IDE: variants seen among roughly 807,000 people sequenced by gnomAD.
The protein encoded by IDE is insulin-degrading enzyme.
IDE carries 58 observed loss-of-function variants against 133.2 expected under a neutral mutation model. The observed-to-expected ratio is 0.44, with a 90% CI of 0.35 to 0.54. The LOEUF (loss-of-function observed/expected upper bound fraction) is 0.54, where lower values mean the gene tolerates loss of function less well. Among genes scored for constraint, IDE ranks in the 20% least tolerant of loss-of-function variants. The pLI, the probability that IDE is intolerant of heterozygous loss-of-function variation, is 0.00. For missense variants in IDE, 981 were observed against 1,234.0 expected (o/e 0.79, Z 3.07); for synonymous variants, 396 against 421.3 (o/e 0.94, Z 0.73).
intron 16 of IDE, 85 bp from the exon 17 acceptor site, chr10:92,475,046 T>C: frequency 1.9e-6 from 2 of 1,032,536 alleles, no homozygotes; most frequent in Non-Finnish European, 2.8e-6. Flanking sequence ...ATTTCAATTC[T>C]CTATAAACTG....
chr10:92,532,649 C>T (rs1589491489), intron 3 of IDE, among the ~76,000 whole-genome samples: 2 of 151,522 alleles, frequency 1.3e-5, no homozygotes, highest in South Asian at 4.1e-4. Context: ...AATAATAATA[C>T]CTAACTTTAA....
At chr10:92,503,270 A>C (rs1375892325) in intron 11 of IDE, among the ~76,000 whole-genome samples, 1 of 152,166 alleles carries the variant, frequency 6.6e-6, no homozygotes, top group East Asian at 1.9e-4. Flanking sequence ...CTCTATAAAA[A>C]ATTGTTCTTG....
chr10:92,455,264 T>C (rs1844931597), intron 24 of IDE, among the ~76,000 whole-genome samples: 1 of 150,836 alleles, frequency 6.6e-6, no homozygotes, highest in East Asian at 1.9e-4. Context: ...TCACTTGAGG[T>C]CAGTAGTTTG....
chr10:92,510,877 T>C (rs1848586659), intron 5 of IDE, among the ~76,000 whole-genome samples: 1 of 150,882 alleles, frequency 6.6e-6, no homozygotes, highest in South Asian at 2.1e-4. Flanking sequence ...ATCACATACA[T>C]GATATATCAC....
intron 13 of IDE, among the ~76,000 whole-genome samples, chr10:92,484,660 G>A (rs914397068): frequency 6.6e-6 from 1 of 152,000 alleles, no homozygotes; most frequent in Non-Finnish European, 1.5e-5. Flanking sequence ...TTGAACCTGG[G>A]AGGCAGAGGT....
intron 1 of IDE, among the ~76,000 whole-genome samples, chr10:92,551,089 A>G (rs1480539552): frequency 1.3e-5 from 2 of 152,234 alleles, no homozygotes; most frequent in Non-Finnish European, 2.9e-5. Flanking sequence ...AAAGACTCAA[A>G]CAGATATTTG....
intron 14 of IDE, chr10:92,479,658 T>C: frequency 2.6e-6 from 1 of 383,098 alleles, no homozygotes; most frequent in Non-Finnish European, 4.8e-6. Flanking sequence ...TGCGCACTGG[T>C]AGTAGTGAAG....
intron 1 of IDE, among the ~76,000 whole-genome samples, chr10:92,570,936 CATACTGAACTTTTTCTCCCCTACCCTG>C (rs1210444774): frequency 2.6e-5 from 4 of 151,344 alleles, no homozygotes; most frequent in African/African-American, 9.7e-5. Flanking sequence ...AAAAAGAAAA[CATACTGAACTTTTTCTCCCCTACCCTG>C]GGGAGACTGT....
intron 9 of IDE, 118 bp from the exon 10 acceptor site, chr10:92,506,640 A>G (rs575500317): frequency 1.5e-5 from 7 of 481,270 alleles, no homozygotes; most frequent in Non-Finnish European, 3.7e-6. Context: ...ACTTTATCAC[A>G]CTTTCTGAAA....
chr10:92,508,488 C>T (rs1384790698), intron 7 of IDE, among the ~76,000 whole-genome samples: 2 of 147,342 alleles, frequency 1.4e-5, no homozygotes, highest in South Asian at 2.2e-4. Flanking sequence ...CCAAGATGGG[C>T]GGATCGCTTG....
intron 1 of IDE, among the ~76,000 whole-genome samples, chr10:92,571,508 C>T (rs1843786798): frequency 1.3e-5 from 2 of 152,162 alleles, no homozygotes; most frequent in African/African-American, 4.8e-5. Flanking sequence ...GTAGGGCTGC[C>T]TGCAAAGTGA....
intron 1 of IDE, among the ~76,000 whole-genome samples, chr10:92,567,851 T>C (rs1237880624): frequency 6.6e-6 from 1 of 152,170 alleles, no homozygotes; most frequent in African/African-American, 2.4e-5. Context: ...CACAAGTCTG[T>C]AGTCCTAGCT....
intron 3 of IDE, among the ~76,000 whole-genome samples, chr10:92,532,543 A>C (rs1849997942): frequency 6.6e-6 from 1 of 152,224 alleles, no homozygotes; most frequent in Non-Finnish European, 1.5e-5. Flanking sequence ...ATAAGAGAAA[A>C]AGTCCATAAA....
chr10:92,477,437 G>A (rs758207367), intron 15 of IDE, among the ~76,000 whole-genome samples: 9 of 151,888 alleles, frequency 5.9e-5, no homozygotes, highest in Middle Eastern at 3.4e-3. Context: ...GATTACAGGC[G>A]TGAGCCACCG....
intron 9 of IDE, 81 bp downstream of exon 9, chr10:92,507,494 G>A (rs1848358084): frequency 7.6e-6 from 6 of 792,634 alleles, no homozygotes; most frequent in Admixed American, 3.9e-5. Context: ...GTTTAACTGG[G>A]CCTTAAATTT....
chr10:92,510,005 T>C (rs1277387559), intron 6 of IDE, 45 bp downstream of exon 6: 8 of 903,374 alleles, frequency 8.9e-6, no homozygotes, highest in Non-Finnish European at 1.4e-5. Context: ...GTATATATTA[T>C]GTCCATAAAT....
intron 5 of IDE, among the ~76,000 whole-genome samples, chr10:92,511,309 C>T (rs892051699): frequency 6.6e-6 from 1 of 151,748 alleles, no homozygotes; most frequent in African/African-American, 2.4e-5. Context: ...CACCATGTTG[C>T]CCAGGCTGGT....
chr10:92,470,420 G>A, intron 17 of IDE, 75 bp from the exon 18 acceptor site: 2 of 898,244 alleles, frequency 2.2e-6, no homozygotes, highest in African/African-American at 1.7e-5. Flanking sequence ...GAGACTTACA[G>A]AAGACTTGCA....
At chr10:92,552,924 G>C (rs191746714) in intron 1 of IDE, among the ~76,000 whole-genome samples, 10 of 146,758 alleles carry the variant, frequency 6.8e-5, no homozygotes, top group Non-Finnish European at 7.4e-5. Flanking sequence ...AAGGGCTAGG[G>C]CAAGAAAAAT....
Sources: gnomAD v4.1 joint callset for allele counts (sites outside exome capture counted in the v4.1 genomes callset) on GRCh38, gnomAD v4.1.1 for gene constraint, MANE v1.5 for transcripts, NCBI Gene and HGNC (gene_info 2026-07-23, HGNC 2026-07-21) for gene names.